The following TCAF2 variants were observed in gnomAD, a reference collection of about 807,000 sequenced individuals.
The protein encoded by TCAF2 is TRPM8 channel associated factor 2, also known as TRPM8 channel-associated factor 2.
TCAF2 carries 6 observed loss-of-function variants against 33.9 expected under a neutral mutation model. The observed-to-expected ratio is 0.18, with a 90% CI of 0.10 to 0.35. TCAF2 has a LOEUF of 0.35. Ranked by LOEUF, TCAF2 falls within the 10% of genes least tolerant of loss-of-function variation. The pLI is 1.00. For synonymous variants in TCAF2, 41 were observed against 247.8 expected (o/e 0.17, Z 7.84); for missense variants, 109 against 604.0 (o/e 0.18, Z 8.59).
At position 143,650,049 on chromosome 7, in the gene TCAF2, TG is replaced by T. The variant is rs947071383; in HGVS notation, c.-12+29030del. Among the ~76,000 whole-genome samples, 38 of 61,942 alleles carry T rather than the reference TG, an allele frequency of 6.1e-4. 2 individuals carry two copies. Among genetic ancestry groups the T allele is most frequent in the African/African-American group, 1.4e-3 (37 of 27,060 alleles). The allele number at this position is 61,942 out of a possible 152,430, so 40.6% of individuals were successfully genotyped here. ...TTCCGCTGAGCAAACCACAGGCTTG[TG>T]TTCTGCCTATCTCCCACTTCGCACA... On this transcript the variant is annotated intron_variant, in intron 1 of 7. Coordinates refer to ENST00000684770, the MANE Select transcript of TCAF2 (RefSeq NM_001363538.2).
chr7:143,718,456 C>A (rs1809400458), intron 2 of TCAF2, among the ~76,000 whole-genome samples: 1 of 151,498 alleles, frequency 6.6e-6, no homozygotes. Context: ...AGCATGGTAT[C>A]CTGGAATCTA....
intron 2 of TCAF2, among the ~76,000 whole-genome samples, chr7:143,718,442 T>G (rs1163719810): frequency 6.6e-6 from 1 of 151,852 alleles, no homozygotes; most frequent in Non-Finnish European, 1.5e-5. Context: ...TTTGGCTTAT[T>G]TAGAGCATGG....
In TCAF2 at chr7:143,728,594, C is replaced by T. The variant is rs373052816; in HGVS notation, c.*927C>T. The stretch of plus-strand genomic sequence containing the variant: ...CTGCTACTAAGTCTATATGCCCATT[C>T]GTTCATACCACAAAACAGGCATCTG... On this transcript the variant is annotated 3_prime_UTR_variant, in exon 8 of 8. Coordinates refer to ENST00000684770, the MANE Select transcript of TCAF2 (RefSeq NM_001363538.2). The T allele has an allele frequency of 1.2e-4, 18 of 152,238 alleles. No individual in the cohort carries two copies. In the South Asian group the frequency reaches 1.2e-3, roughly 11 times the overall value. 9.4% of individuals were successfully genotyped at this position (152,238 alleles called of 1,614,324 possible). A position where few individuals can be genotyped will look rare whatever the true frequency, so the allele number is the denominator to read the frequency against.
At position 143,729,183 on chromosome 7, in the gene TCAF2, A is replaced by G. The variant is rs1809755086; in HGVS notation, c.*1516A>G. On this transcript the variant is annotated 3_prime_UTR_variant, in exon 8 of 8. Coordinates refer to ENST00000684770, the MANE Select transcript of TCAF2 (RefSeq NM_001363538.2). ...TATTTACTGTGAGTGATTTAATGTT[A>G]TCTTCCCAGCAGACCTCTGAGGTAG... 1.3e-5 allele frequency: 2 copies of G among 152,178 alleles called. No individual in the cohort carries two copies. Among genetic ancestry groups the G allele is most frequent in the Admixed American group, 6.5e-5 (1 of 15,274 alleles). The allele number at this position is 152,178 out of a possible 1,614,324, so 9.4% of individuals were successfully genotyped here. A position where few individuals can be genotyped will look rare whatever the true frequency, so the allele number is the denominator to read the frequency against.
At chr7:143,721,874 C>A (rs1215179789) in intron 4 of TCAF2, among the ~76,000 whole-genome samples, 1 of 140,940 alleles carries the variant, frequency 7.1e-6, no homozygotes, top group Non-Finnish European at 1.5e-5. Context: ...TCATGGGTCC[C>A]ATGTGCAAAC....
chr7:143,728,789 C>T lies in TCAF2; in HGVS notation c.*1122C>T, dbSNP rs1384273830. On this transcript the variant is annotated 3_prime_UTR_variant, in exon 8 of 8. Coordinates refer to ENST00000684770, the MANE Select transcript of TCAF2 (RefSeq NM_001363538.2). ...TTCTCTTAATCTCATTCTAGCCCAT[C>T]TTGACTCTTCGGTTAGAGGGAGTTC... is the stretch of plus-strand genomic sequence containing the variant. 2.6e-5 allele frequency: 4 copies of T among 152,236 alleles called. No individual in the cohort carries two copies. Among genetic ancestry groups the T allele is most frequent in the African/African-American group, 9.6e-5 (4 of 41,456 alleles). 9.4% of individuals were successfully genotyped at this position (152,236 alleles called of 1,614,324 possible). A position where few individuals can be genotyped will look rare whatever the true frequency, so the allele number is the denominator to read the frequency against.
intron 1 of TCAF2, chr7:143,647,783 G>C (rs1489161860): frequency 5.0e-6 from 2 of 402,274 alleles, no homozygotes; most frequent in African/African-American, 2.2e-5. Context: ...ACTAATATTA[G>C]GATTTTAGCA....
rs1317801516 is a variant in TCAF2, at chr7:143,701,747, C to CTTTAT, written c.-11-1227_-11-1223dup. On this transcript the variant is annotated intron_variant, in intron 1 of 7. Coordinates refer to ENST00000684770, the MANE Select transcript of TCAF2 (RefSeq NM_001363538.2). ...AAGGCATTTTTAGACATATTCTTTGCTTTATTTTATTTTACTTTATTTTAT... is the reference window on the plus strand; with the variant it reads ...AAGGCATTTTTAGACATATTCTTTGCTTTATTTTATTTTATTTTACTTTATTTTAT... Among the ~76,000 whole-genome samples the CTTTAT allele has an allele frequency of 5.8e-5, 5 of 86,510 alleles. 1 individual carries two copies. Among genetic ancestry groups the CTTTAT allele is most frequent in the Middle Eastern group, 0.014 (2 of 148 alleles). The allele number at this position is 86,510 out of a possible 152,430, so 56.8% of individuals were successfully genotyped here. A position where few individuals can be genotyped will look rare whatever the true frequency, so the allele number is the denominator to read the frequency against.
intron 2 of TCAF2, among the ~76,000 whole-genome samples, chr7:143,718,522 C>G (rs1184956205): frequency 6.6e-6 from 1 of 151,870 alleles, no homozygotes; most frequent in Non-Finnish European, 1.5e-5. Context: ...TTATTTTAAT[C>G]ACTATATGGT....
rs1362780707 is a variant in TCAF2 at position 143,728,026 on chromosome 7, A to G, written c.*359A>G. 1 of 178,206 alleles carries G rather than the reference A, an allele frequency of 5.6e-6. No homozygotes were observed. The highest frequency in any genetic ancestry group is 2.4e-5 in the African/African-American group (1 of 41,406). The allele number at this position is 178,206 out of a possible 1,614,324, so 11.0% of individuals were successfully genotyped here. A position where few individuals can be genotyped will look rare whatever the true frequency, so the allele number is the denominator to read the frequency against. ...CCTTTCTCATCCCTGCCATCCCTGA[A>G]TAAGGCTTCTAATTTATTATGCTTT... On this transcript the variant is annotated 3_prime_UTR_variant, in exon 8 of 8. Transcript: ENST00000684770.
intron 3 of TCAF2, chr7:143,720,982 A>C (rs1263723339): frequency 3.2e-6 from 1 of 315,498 alleles, no homozygotes; most frequent in Non-Finnish European, 5.7e-6. Flanking sequence ...GTTTCACCGT[A>C]AAGGTAAGGC....
rs1423077040 is a variant in TCAF2 at position 143,637,780 on chromosome 7, TGTTCCCTG to T, written c.-12+16761_-12+16768del. 5.7e-3 allele frequency among the ~76,000 whole-genome samples: 608 copies of T among 107,534 alleles called. 16 individuals carry two copies. Among genetic ancestry groups the T allele is most frequent in the African/African-American group, 0.02 (589 of 29,724 alleles). 70.5% of individuals were successfully genotyped at this position (107,534 alleles called of 152,430 possible). A position where few individuals can be genotyped will look rare whatever the true frequency, so the allele number is the denominator to read the frequency against. Reference sequence around the variant, plus strand: ...AACACTCTTATCAGTTTATTGTGGTTGTTCCCTGACATTTTGGACATATATTGACGTAT... The same window carrying T: ...AACACTCTTATCAGTTTATTGTGGTTACATTTTGGACATATATTGACGTAT... On this transcript the variant is annotated intron_variant, in intron 1 of 7. Transcript: ENST00000684770.
intron 2 of TCAF2, among the ~76,000 whole-genome samples, chr7:143,711,738 A>C (rs1586681753): frequency 9.9e-6 from 1 of 101,338 alleles, no homozygotes; most frequent in Admixed American, 1.2e-4. Flanking sequence ...TAATGAAAAA[A>C]TATGAATGAA....
At position 143,729,676 on chromosome 7, in the gene TCAF2, G is replaced by A. The variant is rs1026422450; in HGVS notation, c.*2009G>A. On this transcript the variant is annotated 3_prime_UTR_variant, in exon 8 of 8. Coordinates refer to ENST00000684770, the MANE Select transcript of TCAF2 (RefSeq NM_001363538.2). ...TGTTACATAGGTATACATGTGCCAT[G>A]GTGGTTTGCTGCACCTATCAATCCA... 1.3e-5 allele frequency: 2 copies of A among 151,920 alleles called. No individual in the cohort carries two copies. The highest frequency in any genetic ancestry group is 2.9e-5 in the Non-Finnish European group (2 of 68,004). The allele number at this position is 151,920 out of a possible 1,614,324, so 9.4% of individuals were successfully genotyped here. A position where few individuals can be genotyped will look rare whatever the true frequency, so the allele number is the denominator to read the frequency against.
intron 1 of TCAF2, chr7:143,646,726 G>A (rs1809062585): frequency 2.3e-5 from 3 of 128,342 alleles, no homozygotes; most frequent in Non-Finnish European, 3.3e-5. Flanking sequence ...GCAGGTCCAG[G>A]TGCCAAGCCC....
intron 1 of TCAF2, among the ~76,000 whole-genome samples, chr7:143,628,161 TA>T (rs1464824788): frequency 3.1e-5 from 2 of 63,550 alleles, no homozygotes; most frequent in Admixed American, 4.3e-4. Flanking sequence ...AAAACCCAAA[TA>T]TTTTGATTTC....
At chr7:143,719,412 GAAAGAAAGAAAGA>G (rs1474974616) in intron 2 of TCAF2, among the ~76,000 whole-genome samples, 5 of 84,496 alleles carry the variant, frequency 5.9e-5, no homozygotes, top group African/African-American at 1.7e-4. Flanking sequence ...AATAAAAAAA[GAAAGAAAGAAAGA>G]AAAGAAAGAA....
At chr7:143,622,578 C>CTTTAT (rs558506518) in intron 1 of TCAF2, among the ~76,000 whole-genome samples, 1 of 36,768 alleles carries the variant, frequency 2.7e-5, no homozygotes, top group African/African-American at 7.2e-5. Context: ...TTTTACTTTA[C>CTTTAT]TTTATTTTAT....
Position 143,724,687 on chromosome 7 carries a change from CAT to C in TCAF2, c.2498_2499del (p.Tyr833SerfsTer18). 6.2e-7 allele frequency: 1 copy of C among 1,604,810 alleles called. No individual in the cohort carries two copies. Among genetic ancestry groups the C allele is most frequent in the Non-Finnish European group, 8.5e-7 (1 of 1,177,416 alleles). ...TGGAATGTATGGACAGCCCTGGAAA[CAT>C]ATCTACAGGTACTGAGCAGAAATTC... is the stretch of plus-strand genomic sequence containing the variant. On this transcript the variant is annotated frameshift_variant, in exon 7 of 8. Coordinates refer to ENST00000684770, the MANE Select transcript of TCAF2 (RefSeq NM_001363538.2). LOFTEE classifies it low-confidence loss of function (END_TRUNC).
Sources: gnomAD v4.1 joint callset for allele counts (sites outside exome capture counted in the v4.1 genomes callset) on GRCh38, gnomAD v4.1.1 for gene constraint, MANE v1.5 for transcripts, NCBI Gene and HGNC (gene_info 2026-07-23, HGNC 2026-07-21) for gene names.